C3orf33: variants seen among roughly 807,000 people sequenced by gnomAD.
C3orf33 encodes the protein AP-1 activity suppressor.
In C3orf33, 23 loss-of-function variants were observed where a neutral mutation model predicts 28.7. That is an observed-to-expected ratio of 0.80 (90% CI 0.58 to 1.13). The LOEUF is 1.13. Among genes scored for constraint, C3orf33 ranks in the 50% most tolerant of loss-of-function variants. The pLI is 0.00. For missense variants in C3orf33, 327 were observed against 353.4 expected, an observed-to-expected ratio of 0.93 and a Z score of 0.60; for synonymous variants, 119 against 120.5, an observed-to-expected ratio of 0.99 and a Z score of 0.08.
At chr3:155,772,994 C>T (rs1231934536) in intron 3 of C3orf33, among the ~76,000 whole-genome samples, 4 of 152,124 alleles carry the variant, frequency 2.6e-5, no homozygotes, top group African/African-American at 9.7e-5. Context: ...ACCATGCAGC[C>T]TCTACTACTA....
chr3:155,801,797 C>A (rs1751658159), intron 2 of C3orf33, among the ~76,000 whole-genome samples: 1 of 152,160 alleles, frequency 6.6e-6, no homozygotes, highest in Admixed American at 6.6e-5. Context: ...GTTGCCCAGG[C>A]TGGAATGCAG....
intron 3 of C3orf33, among the ~76,000 whole-genome samples, chr3:155,768,901 T>C (rs1436551633): frequency 6.6e-6 from 1 of 151,974 alleles, no homozygotes; most frequent in Non-Finnish European, 1.5e-5. Context: ...GAAGGTCAGG[T>C]GCAGTGCCTC....
intron 3 of C3orf33, 119 bp from the exon 4 acceptor site, chr3:155,767,788 T>C: frequency 1.6e-6 from 1 of 612,742 alleles, no homozygotes; most frequent in South Asian, 4.3e-5. Context: ...ATACCCAGTC[T>C]CTCTAACTGT....
At chr3:155,785,959 G>A (rs116466321) in intron 2 of C3orf33, among the ~76,000 whole-genome samples, 3,008 of 151,996 alleles carry the variant, frequency 0.02, 100 homozygotes, top group African/African-American at 0.069. Flanking sequence ...AGAATCACCT[G>A]AGACAGAGAA....
At chr3:155,786,948 C>A (rs563032328) in intron 2 of C3orf33, among the ~76,000 whole-genome samples, 1 of 152,304 alleles carries the variant, frequency 6.6e-6, no homozygotes, top group East Asian at 1.9e-4. Flanking sequence ...AATCTCCCAA[C>A]AAAAGGAAGC....
chr3:155,806,259 G>A lies in C3orf33; in HGVS notation c.-7C>T, dbSNP rs1226022498. The A allele has an allele frequency of 1.4e-6, 2 of 1,464,508 alleles. No individual in the cohort carries two copies. Among genetic ancestry groups the A allele is most frequent in the Admixed American group, 4.3e-5 (2 of 47,020 alleles). The allele number at this position is 1,464,508 out of a possible 1,614,324, so 90.7% of individuals were successfully genotyped here. ...CCGCGGGCTGCCCCGCCATGTTCCC[G>A]GCCTCCTGCGAGCGGCCCTGAGCTC... On this transcript the variant is annotated 5_prime_UTR_variant, in exon 1 of 5. Transcript: ENST00000340171.
chr3:155,781,119 T>A (rs1427869152), intron 2 of C3orf33, among the ~76,000 whole-genome samples: 2 of 151,326 alleles, frequency 1.3e-5, no homozygotes, highest in Admixed American at 6.6e-5. Context: ...TGCCTCAGCC[T>A]CCCGAGTAGC....
At chr3:155,764,713 G>A (rs1343141904) in intron 4 of C3orf33, among the ~76,000 whole-genome samples, 1 of 151,822 alleles carries the variant, frequency 6.6e-6, no homozygotes. Flanking sequence ...AAAATTAGCC[G>A]GGTGCGATGG....
At chr3:155,804,989 CCTT>C (rs1751767793) in intron 1 of C3orf33, among the ~76,000 whole-genome samples, 1 of 152,150 alleles carries the variant, frequency 6.6e-6, no homozygotes, top group Admixed American at 6.5e-5. Flanking sequence ...TATTCCAACT[CCTT>C]CTCCTTATCA....
intron 2 of C3orf33, among the ~76,000 whole-genome samples, chr3:155,796,242 C>T (rs1375032984): frequency 2.0e-5 from 3 of 151,790 alleles, no homozygotes; most frequent in Non-Finnish European, 4.4e-5. Context: ...TAAACAAAGC[C>T]GACAAACCTT....
At chr3:155,803,516 G>A (rs565526279) in intron 1 of C3orf33, among the ~76,000 whole-genome samples, 2 of 130,826 alleles carry the variant, frequency 1.5e-5, no homozygotes, top group East Asian at 4.8e-4. Context: ...AGTGAGCCGA[G>A]ATCGTGCCAC....
chr3:155,786,589 G>T (rs566839565), intron 2 of C3orf33, among the ~76,000 whole-genome samples: 1 of 152,176 alleles, frequency 6.6e-6, no homozygotes, highest in African/African-American at 2.4e-5. Flanking sequence ...CACTTTGGGA[G>T]GCCAAGGCAG....
intron 3 of C3orf33, among the ~76,000 whole-genome samples, chr3:155,774,517 A>G (rs1018696079): frequency 6.6e-6 from 1 of 152,158 alleles, no homozygotes; most frequent in Non-Finnish European, 1.5e-5. Context: ...ATGTGAAGCA[A>G]GGAGAAATGG....
chr3:155,806,240 G>C lies in C3orf33; in HGVS notation c.13C>G (p.Pro5Ala). Residue 5 changes from proline (P) to alanine (A), a missense_variant, in exon 1 of 5, where the codon CCC becomes GCC. Physicochemically the swap from Pro to Ala is conservative, Grantham distance 27. Coordinates refer to ENST00000340171, the MANE Select transcript of C3orf33 (RefSeq NM_001308229.2). ...GCAGACGGCGAGCCGGTGGCCGCGGGCTGCCCCGCCATGTTCCCGGCCTCC... is the reference window on the plus strand; with the variant it reads ...GCAGACGGCGAGCCGGTGGCCGCGGCCTGCCCCGCCATGTTCCCGGCCTCC... MAGQ[P>A]AATGSPSADK... 1 of 1,461,544 alleles carries C rather than the reference G, an allele frequency of 6.8e-7. No homozygotes were observed. The highest frequency in any genetic ancestry group is 9.0e-7 in the Non-Finnish European group (1 of 1,105,612). The allele number at this position is 1,461,544 out of a possible 1,614,324, so 90.5% of individuals were successfully genotyped here.
At chr3:155,799,576 C>G (rs561980937) in intron 2 of C3orf33, among the ~76,000 whole-genome samples, 2 of 152,128 alleles carry the variant, frequency 1.3e-5, no homozygotes, top group Non-Finnish European at 2.9e-5. Context: ...GTGGTCCCAG[C>G]TACTCAGGAG....
intron 2 of C3orf33, among the ~76,000 whole-genome samples, chr3:155,792,719 C>T (rs916472477): frequency 1.3e-5 from 2 of 151,812 alleles, no homozygotes; most frequent in African/African-American, 4.8e-5. Flanking sequence ...AGTCTCTAAA[C>T]AGCAGAACTG....
At chr3:155,785,444 C>A (rs180997334) in intron 2 of C3orf33, among the ~76,000 whole-genome samples, 2 of 152,256 alleles carry the variant, frequency 1.3e-5, no homozygotes, top group East Asian at 3.9e-4. Context: ...CCAAGATAGA[C>A]CATTTGTTAG....
At chr3:155,771,454 G>C (rs1172823222) in intron 3 of C3orf33, among the ~76,000 whole-genome samples, 2 of 152,020 alleles carry the variant, frequency 1.3e-5, no homozygotes, top group African/African-American at 2.4e-5. Flanking sequence ...GCTAATCTTT[G>C]TATTTTTTGT....
chr3:155,771,637 T>A (rs1750596294), intron 3 of C3orf33, among the ~76,000 whole-genome samples: 1 of 152,158 alleles, frequency 6.6e-6, no homozygotes, highest in African/African-American at 2.4e-5. Context: ...GCTCAAGGGA[T>A]CCTCCTGCTA....
Sources: allele counts gnomAD v4.1 joint callset (sites outside exome capture counted in the v4.1 genomes callset), GRCh38; gene constraint gnomAD v4.1.1; transcripts MANE v1.5; gene names NCBI Gene and HGNC (gene_info 2026-07-23, HGNC 2026-07-21).